Variants in CASTOR2 observed in about 807,000 individuals in gnomAD.
CASTOR2 encodes cytosolic arginine sensor for mTORC1 subunit 2, also known as GATS protein like 2.
In CASTOR2, 8 loss-of-function variants were observed where a neutral mutation model predicts 31.2. The observed-to-expected ratio is 0.26, with a 90% CI of 0.15 to 0.46. The LOEUF (loss-of-function observed/expected upper bound fraction) is 0.46. Among genes scored for constraint, CASTOR2 ranks in the 20% least tolerant of loss-of-function variants. The pLI is 0.99. For missense variants in CASTOR2, 216 were observed against 382.1 expected, an observed-to-expected ratio of 0.57 and a Z score of 3.62; for synonymous variants, 162 against 158.7, an observed-to-expected ratio of 1.02 and a Z score of -0.16.
chr7:74,975,961 G>T (rs587766836), intron 1 of CASTOR2, among the ~76,000 whole-genome samples: 1 of 150,078 alleles, frequency 6.7e-6, no homozygotes. Context: ...ACCCCCAACC[G>T]GCAGAGCGGG....
chr7:75,023,926 A>G (rs1322406161), intron 7 of CASTOR2, among the ~76,000 whole-genome samples: 3 of 152,184 alleles, frequency 2.0e-5, no homozygotes, highest in Non-Finnish European at 2.9e-5. Context: ...AAGCCAAACT[A>G]TTTCACTGGC....
intron 1 of CASTOR2, among the ~76,000 whole-genome samples, chr7:74,995,343 G>T (rs1286331332): frequency 6.6e-6 from 1 of 151,794 alleles, no homozygotes; most frequent in Non-Finnish European, 1.5e-5. Flanking sequence ...GTTTTCCTGA[G>T]GCCAGAGAGA....
Position 75,026,114 on chromosome 7 carries a change from G to A in CASTOR2, c.*1415G>A, listed in dbSNP as rs973334624. 3.3e-5 allele frequency among the ~76,000 whole-genome samples: 5 copies of A among 151,976 alleles called. No individual in the cohort carries two copies. The highest frequency in any genetic ancestry group is 1.2e-4 in the African/African-American group (5 of 41,388). Reference sequence around the variant, plus strand: ...ATGTCCAGGAGGCATGGGGTTAGCCGTGGTGTCCCTTCCAGTGGGGTGGTT... The same window carrying A: ...ATGTCCAGGAGGCATGGGGTTAGCCATGGTGTCCCTTCCAGTGGGGTGGTT... On this transcript the variant is annotated 3_prime_UTR_variant, in exon 9 of 9. Coordinates refer to ENST00000616305, the MANE Select transcript of CASTOR2 (RefSeq NM_001145064.3).
Position 75,024,454 on chromosome 7 carries a change from G to A in CASTOR2, c.844G>A (p.Val282Met), listed in dbSNP as rs991044014. 12 of 1,551,516 alleles carry A rather than the reference G, an allele frequency of 7.7e-6. No homozygotes were observed. The highest frequency in any genetic ancestry group is 1.0e-5 in the Non-Finnish European group (12 of 1,146,834). ...TCCTGTTCTAGATGAGTGTGGCATC[G>A]TGGCCCAGATCTCAGAGCCCTTGGC... The part of the protein sequence containing the change: ...QPLGFDECGI[V>M]AQISEPLAAA... Residue 282 changes from valine to methionine, a missense_variant, in exon 8 of 9, where the codon GTG (valine) becomes ATG (methionine). Val to Met is a conservative substitution (Grantham distance 21). Transcript: ENST00000616305.
At chr7:74,987,738 G>A (rs1478951084) in intron 1 of CASTOR2, among the ~76,000 whole-genome samples, 1 of 151,658 alleles carries the variant, frequency 6.6e-6, no homozygotes, top group African/African-American at 2.4e-5. Context: ...ATTTTTTTTC[G>A]AGACAGAGCA....
At position 74,985,222 on chromosome 7, in the gene CASTOR2, C is replaced by A. The variant is rs1295486208; in HGVS notation, c.113+20124C>A. Among the ~76,000 whole-genome samples the A allele has an allele frequency of 1.5e-3, 229 of 152,148 alleles. 1 individual carries two copies. The highest frequency in any genetic ancestry group is 3.8e-3 in the African/African-American group (158 of 41,508). ...GGCTCTGAAATATGGGAGGTCTAGC[C>A]CCTTCTCAGGGCAGGTCTGGTTCTG... On this transcript the variant is annotated intron_variant, in intron 1 of 8. Transcript: ENST00000616305.
chr7:75,003,844 C>T (rs111475666), intron 1 of CASTOR2, among the ~76,000 whole-genome samples: 14 of 152,172 alleles, frequency 9.2e-5, no homozygotes, highest in African/African-American at 3.1e-4. Context: ...CAACGGCAGC[C>T]GGTGCCTCTG....
chr7:75,027,997 T>TTACCTGTTTG lies in CASTOR2; in HGVS notation c.*3298_*3299insTACCTGTTTG. 1 of 1,533,420 alleles carries TTACCTGTTTG rather than the reference T, an allele frequency of 6.5e-7. No homozygotes were observed. The highest frequency in any genetic ancestry group is 2.4e-5 in the East Asian group (1 of 40,904). 95.0% of individuals were successfully genotyped at this position (1,533,420 alleles called of 1,614,324 possible). ...GGCTCCATCCGCAGTTGCATGGAACTCCTTACCTGTTTGCCGTCCATCCCC... is the reference window on the plus strand; with the variant it reads ...GGCTCCATCCGCAGTTGCATGGAACTTACCTGTTTGCCTTACCTGTTTGCCGTCCATCCCC... On this transcript the variant is annotated 3_prime_UTR_variant, in exon 9 of 9. Coordinates refer to ENST00000616305, the MANE Select transcript of CASTOR2 (RefSeq NM_001145064.3).
chr7:75,018,164 A>C (rs1473232187), intron 4 of CASTOR2, 42 bp downstream of exon 4: 2 of 1,603,998 alleles, frequency 1.2e-6, no homozygotes, highest in Non-Finnish European at 1.7e-6. Flanking sequence ...AACCTCACGA[A>C]GTTACCAGGC....
chr7:75,018,520 C>T (rs1804918050), intron 4 of CASTOR2, among the ~76,000 whole-genome samples: 1 of 150,844 alleles, frequency 6.6e-6, no homozygotes, highest in African/African-American at 2.4e-5. Context: ...GTCTGGGCAA[C>T]AAGAACAAAA....
intron 1 of CASTOR2, among the ~76,000 whole-genome samples, chr7:74,993,445 CTTTTTTTTTTTTT>C (rs1156811360): frequency 1.3e-5 from 1 of 77,628 alleles, no homozygotes; most frequent in African/African-American, 4.9e-5. Flanking sequence ...CCTCCTTTGT[CTTTTTTTTTTTTT>C]TTTTTTTTTT....
intron 2 of CASTOR2, among the ~76,000 whole-genome samples, chr7:75,016,083 C>T (rs1429493544): frequency 6.6e-6 from 1 of 152,086 alleles, no homozygotes; most frequent in Non-Finnish European, 1.5e-5. Flanking sequence ...AAAATCCTGC[C>T]TCCTTGTGGG....
intron 2 of CASTOR2, among the ~76,000 whole-genome samples, chr7:75,012,191 TCAGGGGGCTGTGG>T (rs1804766139): frequency 6.6e-6 from 1 of 152,120 alleles, no homozygotes. Context: ...GAGAAGACTC[TCAGGGGGCTGTGG>T]CAGGATTTGG....
At chr7:74,996,567 C>T (rs1289360498) in intron 1 of CASTOR2, among the ~76,000 whole-genome samples, 3 of 151,266 alleles carry the variant, frequency 2.0e-5, no homozygotes, top group African/African-American at 4.9e-5. Flanking sequence ...TCTCGGTGTG[C>T]GTTCTCAGCT....
intron 2 of CASTOR2, among the ~76,000 whole-genome samples, chr7:75,013,598 G>A (rs1554439667): frequency 6.6e-6 from 1 of 152,024 alleles, no homozygotes; most frequent in African/African-American, 2.4e-5. Context: ...AGCCATGATT[G>A]TACCACTGCA....
At position 75,024,732 on chromosome 7, in the gene CASTOR2, C is replaced by G. The variant is rs1023983121; in HGVS notation, c.*33C>G. ...TCTTCTGCTCCTCCCTGCCGCCGCC[C>G]GGGCCCAGCCCTAACCCTGAAGATT... On this transcript the variant is annotated 3_prime_UTR_variant, in exon 9 of 9. Coordinates refer to ENST00000616305, the MANE Select transcript of CASTOR2 (RefSeq NM_001145064.3). The G allele has an allele frequency of 2.6e-6, 4 of 1,551,438 alleles. No homozygotes were observed. The highest frequency in any genetic ancestry group is 2.7e-5 in the African/African-American group (2 of 73,048).
intron 1 of CASTOR2, among the ~76,000 whole-genome samples, chr7:75,000,084 G>A (rs1356271418): frequency 6.6e-6 from 1 of 152,158 alleles, no homozygotes; most frequent in Admixed American, 6.6e-5. Flanking sequence ...AAATTAGCCA[G>A]CCATGGTGAT....
rs1443271836 is a variant in CASTOR2 at position 75,018,050 on chromosome 7, C to T, written c.439C>T (p.Arg147Trp). The T allele has an allele frequency of 3.1e-6, 5 of 1,614,204 alleles. No individual in the cohort carries two copies. Among genetic ancestry groups the T allele is most frequent in the Middle Eastern group, 1.6e-4 (1 of 6,062 alleles). ...HTLSSEFTIL[R>W]VVNGETVAAE... ...ATTGTCATCAGAGTTCACCATCCTG[C>T]GGGTCGTCAATGGCGAGACCGTGGC... is the stretch of plus-strand genomic sequence containing the variant. The change falls in exon 4 of 9, where the codon CGG (arginine) becomes TGG (tryptophan). Residue 147 changes from arginine to tryptophan, a missense_variant. By Grantham distance (101) the Arg-to-Trp change is moderately radical. Coordinates refer to ENST00000616305, the MANE Select transcript of CASTOR2 (RefSeq NM_001145064.3).
chr7:75,015,295 G>C (rs1432916287), intron 2 of CASTOR2, among the ~76,000 whole-genome samples: 11 of 152,018 alleles, frequency 7.2e-5, no homozygotes, highest in African/African-American at 2.7e-4. Context: ...TTTGAGACAG[G>C]GTCTGGCTGT....
Sources: gnomAD v4.1 joint callset for allele counts (sites outside exome capture counted in the v4.1 genomes callset) on GRCh38, gnomAD v4.1.1 for gene constraint, MANE v1.5 for transcripts, NCBI Gene and HGNC (gene_info 2026-07-23, HGNC 2026-07-21) for gene names.